The following SLC41A1 variants were observed in gnomAD, a reference collection of about 807,000 sequenced individuals.
The protein encoded by SLC41A1 is solute carrier family 41 member 1, also known as solute carrier family 41 (magnesium transporter), member 1.
SLC41A1 carries 20 observed loss-of-function variants against 47.3 expected under a neutral mutation model. The ratio of observed to expected loss-of-function variants is 0.42; its 90% confidence interval spans 0.30 to 0.61. SLC41A1 has a LOEUF of 0.61. Ranked by LOEUF, SLC41A1 falls within the 20% of genes least tolerant of loss-of-function variation. The pLI is 0.17. For missense variants in SLC41A1, 504 were observed against 674.1 expected (o/e 0.75, Z 2.79); for synonymous variants, 282 against 272.7 (o/e 1.03, Z -0.34).
At chr1:205,804,234 A>T (rs560773361) in intron 2 of SLC41A1, among the ~76,000 whole-genome samples, 6 of 152,304 alleles carry the variant, frequency 3.9e-5, no homozygotes, top group African/African-American at 7.2e-5. Context: ...CTATAAGGCA[A>T]GAACCTCTCT....
rs186995866 is a variant in SLC41A1, at chr1:205,790,329, C to T, written c.*1204G>A. The T allele has an allele frequency of 3.8e-4, 58 of 152,318 alleles. No individual in the cohort carries two copies. Among genetic ancestry groups the T allele is most frequent in the African/African-American group, 1.3e-3 (55 of 41,574 alleles). The allele number at this position is 152,318 out of a possible 1,614,324, so 9.4% of individuals were successfully genotyped here. A position where few individuals can be genotyped will look rare whatever the true frequency, so the allele number is the denominator to read the frequency against. ...GGCTTATCAGTGCCTGGCACAGTAC[C>T]TAACACATAGTAGGCACTCAATAAA... On this transcript the variant is annotated 3_prime_UTR_variant, in exon 11 of 11. Transcript: ENST00000367137.
intron 2 of SLC41A1, among the ~76,000 whole-genome samples, chr1:205,805,550 G>C (rs557821073): frequency 2.0e-5 from 3 of 152,120 alleles, no homozygotes; most frequent in African/African-American, 7.2e-5. Flanking sequence ...TGCTCTGATG[G>C]GGATGAAAAA....
chr1:205,806,273 G>A (rs984054605), intron 2 of SLC41A1, among the ~76,000 whole-genome samples: 2 of 152,164 alleles, frequency 1.3e-5, no homozygotes, highest in Admixed American at 1.3e-4. Context: ...TCCCGCCCAG[G>A]GATGCTGCGG....
At chr1:205,804,354 T>C (rs1655965281) in intron 2 of SLC41A1, among the ~76,000 whole-genome samples, 1 of 152,124 alleles carries the variant, frequency 6.6e-6, no homozygotes, top group African/African-American at 2.4e-5. Flanking sequence ...GCTTCTGGTC[T>C]GGCCAAGACC....
rs1655619782 is a variant in SLC41A1 at position 205,791,230 on chromosome 1, T to C, written c.*303A>G. ...TAAAGCCAAACCCCATGTCCCCAGATTCCAGACAAAACTCCCCTGCTCCAG... is the reference window on the plus strand; with the variant it reads ...TAAAGCCAAACCCCATGTCCCCAGACTCCAGACAAAACTCCCCTGCTCCAG... On this transcript the variant is annotated 3_prime_UTR_variant, in exon 11 of 11. Coordinates refer to ENST00000367137, the MANE Select transcript of SLC41A1 (RefSeq NM_173854.6). The surrounding 1 kb of genome is among the most constrained non-coding windows in gnomAD (Gnocchi z 4.0). 6 of 422,468 alleles carry C rather than the reference T, an allele frequency of 1.4e-5. No individual in the cohort carries two copies. The highest frequency in any genetic ancestry group is 8.7e-5 in the South Asian group (4 of 46,016). The allele number at this position is 422,468 out of a possible 1,614,324, so 26.2% of individuals were successfully genotyped here.
At chr1:205,798,121 C>G in intron 6 of SLC41A1, 70 bp from the exon 7 acceptor site, 1 of 1,604,364 alleles carries the variant, frequency 6.2e-7, no homozygotes, top group East Asian at 2.2e-5. Context: ...CTGGCTCAGC[C>G]TGAAAATGTC....
intron 3 of SLC41A1, 117 bp from the exon 4 acceptor site, chr1:205,799,947 G>A (rs1655842152): frequency 1.2e-6 from 1 of 839,392 alleles, no homozygotes; most frequent in Non-Finnish European, 2.0e-6. Flanking sequence ...TCTGAGAGCA[G>A]GACCTGACAG....
In SLC41A1 at chr1:205,790,216, G is replaced by T. The variant is rs1172609595; in HGVS notation, c.*1317C>A. On this transcript the variant is annotated 3_prime_UTR_variant, in exon 11 of 11. Coordinates refer to ENST00000367137, the MANE Select transcript of SLC41A1 (RefSeq NM_173854.6). Reference sequence around the variant, plus strand: ...AGTAGATGCAAATACTTACAACGAGGAAACTTTCTCTGCCAGATTCAAAGG... The same window carrying T: ...AGTAGATGCAAATACTTACAACGAGTAAACTTTCTCTGCCAGATTCAAAGG... 6.6e-6 allele frequency: 1 copy of T among 152,270 alleles called. No individual in the cohort carries two copies. The highest frequency in any genetic ancestry group is 1.5e-5 in the Non-Finnish European group (1 of 68,090). The allele number at this position is 152,270 out of a possible 1,614,324, so 9.4% of individuals were successfully genotyped here.
At position 205,812,987 on chromosome 1, in the gene SLC41A1, A is replaced by G; in HGVS notation, c.-826T>C. On this transcript the variant is annotated 5_prime_UTR_variant, in exon 1 of 11. An upstream open reading frame in the 5' UTR loses its in-frame stop. Transcript: ENST00000367137. ...GTCCAGCCGCGACACCCGGCTCGCT[A>G]CATTTCGCTTCTGCGTTACAGCGAG... 1.0e-6 allele frequency: 1 copy of G among 985,832 alleles called. No individual in the cohort carries two copies. The highest frequency in any genetic ancestry group is 1.2e-6 in the Non-Finnish European group (1 of 830,242). 61.1% of individuals were successfully genotyped at this position (985,832 alleles called of 1,614,324 possible).
chr1:205,793,986 A>G (rs1467109831), intron 10 of SLC41A1, among the ~76,000 whole-genome samples: 1 of 152,210 alleles, frequency 6.6e-6, no homozygotes, highest in Non-Finnish European at 1.5e-5. Context: ...CAAAAATCAA[A>G]CCTATAAAAA....
chr1:205,810,124 G>A lies in SLC41A1; in HGVS notation c.318C>T (p.Phe106=). 6.2e-7 allele frequency: 1 copy of A among 1,614,214 alleles called. No individual in the cohort carries two copies. Among genetic ancestry groups the A allele is most frequent in the African/African-American group, 1.3e-5 (1 of 75,072 alleles). The change falls in exon 2 of 11, where the codon TTC becomes TTT. Residue 106 remains phenylalanine (F), a synonymous_variant. Transcript: ENST00000367137. This position sits in a 1 kb window ranked among gnomAD's most constrained non-coding sequence, Gnocchi z 5.5. ...FSIGLQVLFP[F]LLAGFGTVAA... is the part of the protein sequence containing the mutation. ...CCACGGTCCCAAAGCCTGCCAGGAGGAATGGAAACAGTACTTGCAGCCCGA... is the reference window on the plus strand; with the variant it reads ...CCACGGTCCCAAAGCCTGCCAGGAGAAATGGAAACAGTACTTGCAGCCCGA...
chr1:205,791,088 T>C lies in SLC41A1; in HGVS notation c.*445A>G, dbSNP rs1655616302. On this transcript the variant is annotated 3_prime_UTR_variant, in exon 11 of 11. Coordinates refer to ENST00000367137, the MANE Select transcript of SLC41A1 (RefSeq NM_173854.6). The surrounding 1 kb of genome is among the most constrained non-coding windows in gnomAD (Gnocchi z 4.0). Reference sequence around the variant, plus strand: ...CTGTGTTTGGGAGTGTTACTTATTCTTCTGTCCCTCTGTTCAACCAAAACC... The same window carrying C: ...CTGTGTTTGGGAGTGTTACTTATTCCTCTGTCCCTCTGTTCAACCAAAACC... The C allele has an allele frequency of 3.8e-6, 1 of 265,642 alleles. No individual in the cohort carries two copies. Among genetic ancestry groups the C allele is most frequent in the Non-Finnish European group, 7.3e-6 (1 of 136,964 alleles). 16.5% of individuals were successfully genotyped at this position (265,642 alleles called of 1,614,324 possible).
chr1:205,804,274 G>C (rs1484929725), intron 2 of SLC41A1, among the ~76,000 whole-genome samples: 1 of 152,134 alleles, frequency 6.6e-6, no homozygotes, highest in Non-Finnish European at 1.5e-5. Context: ...CTGTGTGAAT[G>C]GGGTGGGAGG....
At chr1:205,796,888 A>G (rs761845160) in intron 8 of SLC41A1, 36 bp downstream of exon 8, 1 of 1,598,886 alleles carries the variant, frequency 6.3e-7, no homozygotes. Flanking sequence ...TCCTTCCCCC[A>G]GCCCTGCCCT....
At chr1:205,812,185 A>G (rs1299666470) in intron 1 of SLC41A1, among the ~76,000 whole-genome samples, 3 of 152,196 alleles carry the variant, frequency 2.0e-5, no homozygotes, top group East Asian at 3.8e-4. Context: ...TAAAAAATAA[A>G]TTTAAAGAGA....
rs1656190671 is a variant in SLC41A1, at chr1:205,812,832, G to A, written c.-671C>T. 10 of 985,382 alleles carry A rather than the reference G, an allele frequency of 1.0e-5. No individual in the cohort carries two copies. Among genetic ancestry groups the A allele is most frequent in the Non-Finnish European group, 8.4e-6 (7 of 829,934 alleles). The allele number at this position is 985,382 out of a possible 1,614,324, so 61.0% of individuals were successfully genotyped here. On this transcript the variant is annotated 5_prime_UTR_variant, in exon 1 of 11. Coordinates refer to ENST00000367137, the MANE Select transcript of SLC41A1 (RefSeq NM_173854.6). ...CCTGCCCCTCGCCTGGGAGGAAGGG[G>A]GGCGCCTGGCAAGTGGCAGCGTGGC...
chr1:205,792,894 T>G (rs1385373214), intron 10 of SLC41A1, among the ~76,000 whole-genome samples: 3 of 152,090 alleles, frequency 2.0e-5, no homozygotes, highest in Non-Finnish European at 4.4e-5. Context: ...AAGCCAGAAC[T>G]GATACCTATT....
At position 205,791,472 on chromosome 1, in the gene SLC41A1, A is replaced by T; in HGVS notation, c.*61T>A. 1.2e-6 allele frequency: 2 copies of T among 1,605,480 alleles called. No individual in the cohort carries two copies. The highest frequency in any genetic ancestry group is 1.7e-6 in the Non-Finnish European group (2 of 1,173,404). ...GTGTGGGGTGGAGGAGGGACAGGGG[A>T]ACAAAAGAAAAATTTCAAATAGAAA... On this transcript the variant is annotated 3_prime_UTR_variant, in exon 11 of 11. Transcript: ENST00000367137. This position sits in a 1 kb window ranked among gnomAD's most constrained non-coding sequence, Gnocchi z 4.0.
At chr1:205,807,137 C>T (rs1656031539) in intron 2 of SLC41A1, among the ~76,000 whole-genome samples, 1 of 152,008 alleles carries the variant, frequency 6.6e-6, no homozygotes, top group African/African-American at 2.4e-5. Flanking sequence ...AGAAACCATC[C>T]CGCTCTTCCT....
Sources: allele counts gnomAD v4.1 joint callset (sites outside exome capture counted in the v4.1 genomes callset), GRCh38; gene constraint gnomAD v4.1.1; non-coding constraint Gnocchi (gnomAD v3.1); transcripts MANE v1.5; gene names NCBI Gene and HGNC (gene_info 2026-07-23, HGNC 2026-07-21).